Variants in VKORC1L1 observed in about 807,000 individuals in gnomAD.
The protein encoded by VKORC1L1 is vitamin K epoxide reductase complex subunit 1-like protein 1.
Under a neutral mutation model 18.9 loss-of-function variants are expected in VKORC1L1, and 2 were observed. That is an observed-to-expected ratio of 0.11 (90% confidence interval 0.04 to 0.33). The LOEUF is 0.33. Ranked by LOEUF, VKORC1L1 falls within the 10% of genes least tolerant of loss-of-function variation. The pLI, the probability that VKORC1L1 is intolerant of heterozygous loss-of-function variation, is 1.00. For synonymous variants in VKORC1L1, 96 were observed against 100.0 expected, an observed-to-expected ratio of 0.96 and a Z score of 0.24; for missense variants, 123 against 224.1, an observed-to-expected ratio of 0.55 and a Z score of 2.88.
At chr7:65,941,673 G>GTTTTTTTTTTTTTTTTT (rs57537567) in intron 1 of VKORC1L1, among the ~76,000 whole-genome samples, 5 of 66,504 alleles carry the variant, frequency 7.5e-5, no homozygotes, top group African/African-American at 5.6e-5. Flanking sequence ...TTTTCTTAAG[G>GTTTTTTTTTTTTTTTTT]TTTTTTTTTT....
At chr7:65,952,778 C>CTTTTT (rs11395208) in intron 2 of VKORC1L1, among the ~76,000 whole-genome samples, 69 of 86,610 alleles carry the variant, frequency 8.0e-4, no homozygotes, top group Non-Finnish European at 1.0e-3. Context: ...TTTTTTTTTC[C>CTTTTT]TTTTTTTTTT....
intron 1 of VKORC1L1, among the ~76,000 whole-genome samples, chr7:65,876,567 A>G (rs1182596277): frequency 1.3e-5 from 2 of 151,952 alleles, no homozygotes; most frequent in African/African-American, 4.8e-5. Context: ...TAAATCGGTG[A>G]AAACTCTGCT....
intron 1 of VKORC1L1, among the ~76,000 whole-genome samples, chr7:65,883,136 CTTTTTTTTTTT>C (rs34906605): frequency 9.1e-6 from 1 of 109,622 alleles, no homozygotes; most frequent in Non-Finnish European, 1.8e-5. Flanking sequence ...TACATTTGAG[CTTTTTTTTTTT>C]TTTTTTTTTT....
chr7:65,906,147 C>CA (rs764419674), intron 1 of VKORC1L1, among the ~76,000 whole-genome samples: 47 of 151,408 alleles, frequency 3.1e-4, no homozygotes, highest in Non-Finnish European at 5.3e-4. Flanking sequence ...ATAAATTTGT[C>CA]AAAAAGGCCA....
chr7:65,913,263 C>T (rs567820666), intron 1 of VKORC1L1, among the ~76,000 whole-genome samples: 24 of 152,224 alleles, frequency 1.6e-4, no homozygotes, highest in Admixed American at 7.8e-4. Flanking sequence ...GTTCTGGGAA[C>T]GTTCCTGGTT....
rs185316494 is a variant in VKORC1L1, at chr7:65,878,322, C to T, written c.194+4757C>T. ...ATTAGCCGGGCATGGTGGTGGGCAC[C>T]TGTAATTCCAGCTACTCGGGAGGCT... is the stretch of plus-strand genomic sequence containing the variant. On this transcript the variant is annotated intron_variant, in intron 1 of 2. Coordinates refer to ENST00000360768, the MANE Select transcript of VKORC1L1 (RefSeq NM_173517.6). 9.5e-3 allele frequency among the ~76,000 whole-genome samples: 1,451 copies of T among 152,132 alleles called. 29 individuals carry two copies. The highest frequency in any genetic ancestry group is 0.033 in the African/African-American group (1,351 of 41,508).
intron 1 of VKORC1L1, among the ~76,000 whole-genome samples, chr7:65,945,227 C>G (rs1469113142): frequency 6.6e-6 from 1 of 151,566 alleles, no homozygotes; most frequent in Non-Finnish European, 1.5e-5. Context: ...CGCTGCTACA[C>G]TCCAGCCTGG....
chr7:65,909,060 G>A (rs549858654), intron 1 of VKORC1L1, among the ~76,000 whole-genome samples: 145 of 148,812 alleles, frequency 9.7e-4, no homozygotes, highest in East Asian at 5.2e-3. Context: ...ACCTGAGGTT[G>A]GGAGTTCAAG....
At chr7:65,925,143 C>T (rs952189701) in intron 1 of VKORC1L1, among the ~76,000 whole-genome samples, 1 of 152,156 alleles carries the variant, frequency 6.6e-6, no homozygotes, top group African/African-American at 2.4e-5. Context: ...TTTTGGGCTG[C>T]TTATTGGATG....
chr7:65,948,270 A>G (rs1366898891), intron 1 of VKORC1L1, among the ~76,000 whole-genome samples: 6 of 151,708 alleles, frequency 4.0e-5, no homozygotes, highest in Admixed American at 4.0e-4. Context: ...CACAGCACAA[A>G]GAATTATCTA....
intron 1 of VKORC1L1, among the ~76,000 whole-genome samples, chr7:65,913,911 G>A (rs1789544451): frequency 6.6e-6 from 1 of 151,884 alleles, no homozygotes; most frequent in Non-Finnish European, 1.5e-5. Context: ...CCTCCCTCCA[G>A]TACTAGGTAT....
chr7:65,917,954 A>G (rs1236838462), intron 1 of VKORC1L1, among the ~76,000 whole-genome samples: 1 of 152,208 alleles, frequency 6.6e-6, no homozygotes, highest in Non-Finnish European at 1.5e-5. Flanking sequence ...TGGTGTCACA[A>G]CTGGGCAGGG....
At chr7:65,888,724 C>G (rs949295193) in intron 1 of VKORC1L1, among the ~76,000 whole-genome samples, 5 of 152,166 alleles carry the variant, frequency 3.3e-5, no homozygotes, top group African/African-American at 1.2e-4. Flanking sequence ...GTGTGCTGAC[C>G]TTTTAACAGT....
intron 1 of VKORC1L1, among the ~76,000 whole-genome samples, chr7:65,889,193 G>A (rs890218133): frequency 9.3e-5 from 14 of 151,180 alleles, no homozygotes; most frequent in African/African-American, 3.4e-4. Context: ...TCCCTTAACA[G>A]TCACAGCCAT....
At chr7:65,925,984 T>C (rs1032406602) in intron 1 of VKORC1L1, among the ~76,000 whole-genome samples, 14 of 152,074 alleles carry the variant, frequency 9.2e-5, no homozygotes, top group African/African-American at 3.4e-4. Flanking sequence ...AAAAAATATG[T>C]ACAGATATTG....
upstream of VKORC1L1, among the ~76,000 whole-genome samples, chr7:65,869,403 C>T (rs1172064457): frequency 1.3e-5 from 2 of 152,084 alleles, no homozygotes. Flanking sequence ...ATAGAATTTG[C>T]CACAGAGGGC....
At chr7:65,927,543 T>C (rs1789786193) in intron 1 of VKORC1L1, among the ~76,000 whole-genome samples, 1 of 152,172 alleles carries the variant, frequency 6.6e-6, no homozygotes, top group Non-Finnish European at 1.5e-5. Context: ...AGACTTTGAA[T>C]GGCAGCCTTG....
intron 1 of VKORC1L1, among the ~76,000 whole-genome samples, chr7:65,924,253 C>T (rs576820455): frequency 5.3e-5 from 8 of 152,276 alleles, no homozygotes; most frequent in African/African-American, 1.9e-4. Context: ...CAAAGCTAGA[C>T]CCTGGACCAG....
At position 65,873,545 on chromosome 7, in the gene VKORC1L1, C is replaced by T. The variant is rs754778102; in HGVS notation, c.174C>T (p.Cys58=). Residue 58 remains cysteine (C), a synonymous_variant, in exon 1 of 3, where the codon TGC becomes TGT. Transcript: ENST00000360768. ...ALCDLGPWVK[C]SAALASRWGR... ...GCGACCTGGGGCCCTGGGTGAAGTGCTCCGCCGCCCTTGCCTCCAGGTAGC... is the reference window on the plus strand; with the variant it reads ...GCGACCTGGGGCCCTGGGTGAAGTGTTCCGCCGCCCTTGCCTCCAGGTAGC... 39 of 1,562,548 alleles carry T rather than the reference C, an allele frequency of 2.5e-5. No individual in the cohort carries two copies. The highest frequency in any genetic ancestry group is 3.3e-5 in the Non-Finnish European group (38 of 1,157,992).
Sources: gnomAD v4.1 joint callset for allele counts (sites outside exome capture counted in the v4.1 genomes callset) on GRCh38, gnomAD v4.1.1 for gene constraint, MANE v1.5 for transcripts, NCBI Gene and HGNC (gene_info 2026-07-23, HGNC 2026-07-21) for gene names.